Variants in PCYT1B observed in about 807,000 individuals in gnomAD.
The protein encoded by PCYT1B is choline-phosphate cytidylyltransferase B.
PCYT1B carries 10 observed loss-of-function variants against 26.4 expected under a neutral mutation model. That is an observed-to-expected ratio of 0.38 (90% CI 0.23 to 0.64). The LOEUF is 0.64. Ranked by LOEUF, PCYT1B falls within the 30% of genes least tolerant of loss-of-function variation. PCYT1B has a pLI of 0.56. For synonymous variants in PCYT1B, 131 were observed against 108.4 expected (o/e 1.21, Z -1.29); for missense variants, 161 against 292.7 (o/e 0.55, Z 3.28).
rs561416630 is a variant in PCYT1B at position 24,579,931 on chromosome X, T to A, written c.566-473A>T. On this transcript the variant is annotated intron_variant, in intron 5 of 7. Transcript: ENST00000379144. ...GGCTCATGCCTATAATCCCAGTACT[T>A]TCGAAGGCCGAGGCAGGCAGACCAT... Among the ~76,000 whole-genome samples, 8 of 111,981 alleles carry A rather than the reference T, an allele frequency of 7.1e-5. No individual in the cohort carries two copies. In the South Asian group the frequency reaches 3.0e-3, roughly 42 times the overall value.
intron 1 of PCYT1B, among the ~76,000 whole-genome samples, chrX:24,660,678 C>A (rs866919801): frequency 1.4e-3 from 88 of 63,761 alleles, no homozygotes; most frequent in Admixed American, 2.1e-3. Context: ...AACTCTATCT[C>A]AAAAAAAAAA....
At chrX:24,622,733 C>G (rs1037374894) in intron 1 of PCYT1B, among the ~76,000 whole-genome samples, 7 of 112,247 alleles carry the variant, frequency 6.2e-5, no homozygotes, top group Non-Finnish European at 1.3e-4. Flanking sequence ...CACCAAGTGA[C>G]AGCAAGAAGC....
At position 24,609,817 on chromosome X, in the gene PCYT1B, G is replaced by A. The variant is rs183699042; in HGVS notation, c.218-1956C>T. Among the ~76,000 whole-genome samples, 160 of 111,509 alleles carry A rather than the reference G, an allele frequency of 1.4e-3. 1 individual carries two copies. In the Admixed American group the frequency reaches 0.015, roughly 10 times the overall value. ...TACTGACTTTTAAAAATAGTCGGGC[G>A]TGGTGGCTCAAGCCTGTAATCCATG... On this transcript the variant is annotated intron_variant, in intron 2 of 7. Coordinates refer to ENST00000379144, the MANE Select transcript of PCYT1B (RefSeq NM_004845.5).
chrX:24,665,053 T>C (rs1262420945), intron 1 of PCYT1B, among the ~76,000 whole-genome samples: 1 of 111,710 alleles, frequency 9.0e-6, no homozygotes, highest in African/African-American at 3.3e-5. Context: ...TAGGATTCCA[T>C]ATTCAAAGTG....
At chrX:24,631,890 A>G (rs1282569443) in intron 1 of PCYT1B, among the ~76,000 whole-genome samples, 3 of 108,792 alleles carry the variant, frequency 2.8e-5, no homozygotes, top group Non-Finnish European at 5.7e-5. Flanking sequence ...CCGGGATTGC[A>G]CCACTGCACT....
chrX:24,649,626 G>C (rs894211261), upstream of PCYT1B, among the ~76,000 whole-genome samples: 7 of 111,882 alleles, frequency 6.3e-5, no homozygotes, highest in Non-Finnish European at 1.3e-4. Context: ...TCATTTTAAA[G>C]AGTTCTGATG....
intron 5 of PCYT1B, among the ~76,000 whole-genome samples, chrX:24,581,823 G>A (rs954409884): frequency 1.8e-5 from 2 of 112,227 alleles, no homozygotes; most frequent in Admixed American, 9.4e-5. Context: ...CCATCTTGCA[G>A]CCCCAATGAG....
intron 2 of PCYT1B, among the ~76,000 whole-genome samples, chrX:24,617,033 C>T (rs912721491): frequency 9.0e-6 from 1 of 111,632 alleles, no homozygotes; most frequent in Non-Finnish European, 1.9e-5. Flanking sequence ...AGAGATGTAA[C>T]TTCTTGGGCC....
At chrX:24,617,572 C>T (rs1685590599) in intron 2 of PCYT1B, among the ~76,000 whole-genome samples, 1 of 107,260 alleles carries the variant, frequency 9.3e-6, no homozygotes, top group Admixed American at 1.0e-4. Flanking sequence ...CTCAGCCTCC[C>T]GAGTAGCTGG....
rs767031193 is a variant in PCYT1B at position 24,562,311 on chromosome X, C to A, written c.1092G>T (p.Gly364=). ...ASASISSMSE[G]DEDEK ...GCAGCCTCTACTTTTCATCCTCATC[C>A]CCCTCGCTCATGCTGCTGATAGAGG... Residue 364 remains glycine, a synonymous_variant, in exon 8 of 8, where the codon GGG becomes GGT. Coordinates refer to ENST00000379144, the MANE Select transcript of PCYT1B (RefSeq NM_004845.5). The A allele has an allele frequency of 2.0e-5, 23 of 1,156,087 alleles. No individual in the cohort carries two copies. The highest frequency in any genetic ancestry group is 2.6e-5 in the Non-Finnish European group (23 of 868,146).
intron 6 of PCYT1B, among the ~76,000 whole-genome samples, chrX:24,577,161 G>A (rs1273967464): frequency 9.0e-6 from 1 of 110,907 alleles, no homozygotes; most frequent in African/African-American, 3.3e-5. Flanking sequence ...TCTCTAAATT[G>A]AGGGACTTGG....
At position 24,579,503 on chromosome X, in the gene PCYT1B, C is replaced by T. The variant is rs1412688750; in HGVS notation, c.566-45G>A. The T allele has an allele frequency of 3.5e-6, 4 of 1,147,967 alleles. No homozygotes were observed. The East Asian group carries it at 9.0e-5, about 26-fold the overall frequency. The allele number at this position is 1,147,967 out of a possible 1,213,427, so 94.6% of individuals were successfully genotyped here. A position where few individuals can be genotyped will look rare whatever the true frequency, so the allele number is the denominator to read the frequency against. ...CGGATAGAGGAAAAATTAAGATCAC[C>T]TCAGTTGACCCATCTCCTTTAATGG... On this transcript the variant is annotated intron_variant, in intron 5 of 7. Coordinates refer to ENST00000379144, the MANE Select transcript of PCYT1B (RefSeq NM_004845.5).
rs959064265 is a variant in PCYT1B, at chrX:24,666,084, C to T, written c.63+6486G>A. ...TAATGATAATGTCAATCAATTTAGA[C>T]GCTAGGGTCAAGTTGGAGTTGGTCC... On this transcript the variant is annotated intron_variant, in intron 1 of 7. Coordinates refer to the PCYT1B transcript ENST00000379145. 1.8e-4 allele frequency among the ~76,000 whole-genome samples: 20 copies of T among 111,118 alleles called. No individual in the cohort carries two copies. In the Admixed American group the frequency reaches 1.8e-3, roughly 10 times the overall value.
chrX:24,670,217 T>C (rs1358543153), intron 1 of PCYT1B, among the ~76,000 whole-genome samples: 1 of 111,462 alleles, frequency 9.0e-6, no homozygotes, highest in Non-Finnish European at 1.9e-5. Context: ...AGGTAATGTC[T>C]GGGCATTCTC....
chrX:24,654,749 CAAAAA>C (rs574317952), intron 1 of PCYT1B, among the ~76,000 whole-genome samples: 4 of 40,049 alleles, frequency 1.0e-4, no homozygotes, highest in Admixed American at 9.1e-4. Context: ...GACCCTGTCT[CAAAAA>C]AAAAAAAAAA....
upstream of PCYT1B, among the ~76,000 whole-genome samples, chrX:24,651,465 A>AT (rs1926764339): frequency 3.5e-5 from 1 of 28,253 alleles, no homozygotes; most frequent in African/African-American, 1.2e-4. Flanking sequence ...AAAAAAAAAA[A>AT]AAAAAAAATA....
chrX:24,644,004 A>C lies in PCYT1B; in HGVS notation c.117+2985T>G, dbSNP rs1009906313. ...GCCTGGGTGCTGGGAGAAATGCAGA[A>C]TTTATACAATTTGAAATATGAAGAC... On this transcript the variant is annotated intron_variant, in intron 1 of 7. Transcript: ENST00000379144. Among the ~76,000 whole-genome samples, 3 of 112,323 alleles carry C rather than the reference A, an allele frequency of 2.7e-5. No individual in the cohort carries two copies. The East Asian group carries it at 8.3e-4, about 31-fold the overall frequency.
At chrX:24,666,559 A>G (rs1927131034) in intron 1 of PCYT1B, among the ~76,000 whole-genome samples, 1 of 110,185 alleles carries the variant, frequency 9.1e-6, no homozygotes, top group African/African-American at 3.3e-5. Context: ...CCTGGGCCAT[A>G]TTTACCAATT....
chrX:24,637,509 T>TATATATATATAAATAA lies in PCYT1B; in HGVS notation c.117+9479_117+9480insTTATTTATATATATAT, dbSNP rs779316769. On this transcript the variant is annotated intron_variant, in intron 1 of 7. Coordinates refer to ENST00000379144, the MANE Select transcript of PCYT1B (RefSeq NM_004845.5). ...AAAAAAAAATATATATATATATATA[T>TATATATATATAAATAA]ATAAATTAGCTGAGCGTGGTGGCGT... Among the ~76,000 whole-genome samples the TATATATATATAAATAA allele has an allele frequency of 2.0e-3, 126 of 64,056 alleles. 8 individuals carry two copies. Among genetic ancestry groups the TATATATATATAAATAA allele is most frequent in the African/African-American group, 0.012 (122 of 10,131 alleles). 55.6% of individuals were successfully genotyped at this position (64,056 alleles called of 115,157 possible). A position where few individuals can be genotyped will look rare whatever the true frequency, so the allele number is the denominator to read the frequency against.
Sources: gnomAD v4.1 joint callset for allele counts (sites outside exome capture counted in the v4.1 genomes callset) on GRCh38, gnomAD v4.1.1 for gene constraint, MANE v1.5 for transcripts, NCBI Gene and HGNC (gene_info 2026-07-23, HGNC 2026-07-21) for gene names.